The following TG variants were observed in gnomAD, a reference collection of about 807,000 sequenced individuals.
TG encodes thyroid hormones.
A neutral mutation model predicts 324.7 loss-of-function variants in TG; 270 were observed. The ratio of observed to expected loss-of-function variants is 0.83; its 90% confidence interval spans 0.75 to 0.92. The LOEUF is 0.92. TG is among the 40% of genes least tolerant of loss of function. The pLI, the probability that TG is intolerant of heterozygous loss-of-function variation, is 0.00. For missense variants in TG, 3,591 were observed against 3,456.4 expected (o/e 1.04, Z -0.98); for synonymous variants, 1,401 against 1,327.0 (o/e 1.06, Z -1.21).
intron 19 of TG, among the ~76,000 whole-genome samples, chr8:132,912,507 C>T (rs1819679220): frequency 6.6e-6 from 1 of 152,010 alleles, no homozygotes; most frequent in South Asian, 2.1e-4. Context: ...AACTACTTAT[C>T]ATTTGACACC....
At chr8:132,970,479 C>T (rs1023119630) in intron 32 of TG, among the ~76,000 whole-genome samples, 11 of 152,192 alleles carry the variant, frequency 7.2e-5, no homozygotes, top group Non-Finnish European at 1.6e-4. Context: ...AAGGAAGCTT[C>T]CCCTGGTGAT....
intron 41 of TG, chr8:133,038,626 G>T: frequency 6.2e-7 from 1 of 1,613,830 alleles, no homozygotes. Flanking sequence ...AGGAGGTGTT[G>T]TCCTCACTGG....
chr8:132,986,249 G>A (rs1252081130), intron 35 of TG, among the ~76,000 whole-genome samples: 1 of 151,614 alleles, frequency 6.6e-6, no homozygotes, highest in Non-Finnish European at 1.5e-5. Context: ...TGATATCATT[G>A]TAGTCTCTAT....
intron 27 of TG, among the ~76,000 whole-genome samples, chr8:132,960,123 C>T (rs890808548): frequency 1.3e-5 from 2 of 152,312 alleles, no homozygotes; most frequent in East Asian, 3.9e-4. Flanking sequence ...GTAGGCGCAG[C>T]ACACCACCAT....
intron 46 of TG, among the ~76,000 whole-genome samples, chr8:133,132,505 A>G (rs57165827): frequency 0.028 from 4,296 of 152,264 alleles, 220 homozygotes; most frequent in African/African-American, 0.098. Context: ...CTCCAGTCCA[A>G]TGAAGTATAC....
At chr8:132,900,475 C>A in intron 15 of TG, 136 bp downstream of exon 15, 2 of 788,568 alleles carry the variant, frequency 2.5e-6, no homozygotes, top group South Asian at 3.0e-5. Flanking sequence ...CCTCACTATG[C>A]CTCAGTTTTC....
chr8:132,886,763 C>G lies in TG; in HGVS notation c.1391C>G (p.Pro464Arg), dbSNP rs1815483755. 1.9e-6 allele frequency: 3 copies of G among 1,614,194 alleles called. No individual in the cohort carries two copies. In the East Asian group the frequency reaches 6.7e-5, roughly 36 times the overall value. Residue 464 changes from proline to arginine, a missense_variant, in exon 9 of 48, where the codon CCA (proline) becomes CGA (arginine). Transcript: ENST00000220616. ...ARLALQFTTN[P>R]KRLQQNLFGG... is the part of the protein sequence containing the mutation. The stretch of plus-strand genomic sequence containing the variant: ...CTTGCCCTTCAGTTTACCACCAACC[C>G]AAAGAGACTCCAGCAAAACCTTTTT...
At chr8:132,907,231 G>A (rs1480906497) in intron 17 of TG, among the ~76,000 whole-genome samples, 1 of 152,112 alleles carries the variant, frequency 6.6e-6, no homozygotes, top group Non-Finnish European at 1.5e-5. Flanking sequence ...CTGGATAGGT[G>A]GCTCACATGC....
At chr8:132,887,947 T>C in intron 9 of TG, 37 bp from the exon 10 acceptor site, 1 of 1,576,520 alleles carries the variant, frequency 6.3e-7, no homozygotes, top group Non-Finnish European at 8.6e-7. Flanking sequence ...TTGTTAAATT[T>C]CTTAAACTGA....
chr8:133,066,411 ATC>A (rs750065167), intron 41 of TG, among the ~76,000 whole-genome samples: 2 of 152,184 alleles, frequency 1.3e-5, no homozygotes, highest in Admixed American at 6.5e-5. Context: ...TGCTTTTAGA[ATC>A]TCTGTTTCAT....
chr8:133,038,585 A>C, intron 41 of TG: 1 of 1,614,180 alleles, frequency 6.2e-7, no homozygotes. Context: ...GCCACCATAC[A>C]TCAGGGAGAT....
At position 132,871,374 on chromosome 8, in the gene TG, C is replaced by G. The variant is rs531772882; in HGVS notation, c.301C>G (p.Gln101Glu). 1.2e-6 allele frequency: 2 copies of G among 1,614,222 alleles called. No individual in the cohort carries two copies. Among genetic ancestry groups the G allele is most frequent in the East Asian group, 2.2e-5 (1 of 44,888 alleles). Residue 101 changes from glutamine (Q) to glutamate (E), a missense_variant, in exon 4 of 48, where the codon CAG becomes GAG. Gln to Glu is a conservative substitution (Grantham distance 29). Transcript: ENST00000220616. ...TCTGTCATTTTGTCAGCTACAGAAA[C>G]AGCAGATCTTACTGAGTGGCTACAT... ...ACLSFCQLQK[Q>E]QILLSGYINS...
chr8:132,870,970 A>G (rs180207), intron 3 of TG, among the ~76,000 whole-genome samples: 80,372 of 151,900 alleles, frequency 0.53, 21,357 homozygotes, highest in East Asian at 0.59. Flanking sequence ...CTGAAACTGT[A>G]GCAGTTAATG....
chr8:132,902,341 A>C (rs951407315), intron 16 of TG, among the ~76,000 whole-genome samples: 1 of 152,086 alleles, frequency 6.6e-6, no homozygotes, highest in African/African-American at 2.4e-5. Flanking sequence ...CTGCAGGGAA[A>C]TTTAATTGGG....
intron 41 of TG, among the ~76,000 whole-genome samples, chr8:133,072,249 A>G (rs1587992469): frequency 6.6e-6 from 1 of 152,274 alleles, no homozygotes; most frequent in East Asian, 1.9e-4. Context: ...CCAACCCCTA[A>G]AATTGCTGTC....
At chr8:133,000,069 T>C (rs116322541) in intron 35 of TG, among the ~76,000 whole-genome samples, 1,646 of 152,334 alleles carry the variant, frequency 0.011, 36 homozygotes, top group African/African-American at 0.038. Flanking sequence ...ACAGCAAGGA[T>C]GCCATCATGC....
intron 22 of TG, 55 bp downstream of exon 22, chr8:132,923,563 A>G: frequency 2.6e-6 from 4 of 1,561,470 alleles, no homozygotes; most frequent in Non-Finnish European, 3.5e-6. Flanking sequence ...GAGTAGTCTC[A>G]AGGGCTTTTT....
intron 1 of TG, 41 bp downstream of exon 1, chr8:132,867,108 C>T (rs1839002271): frequency 5.2e-6 from 8 of 1,550,178 alleles, no homozygotes; most frequent in Admixed American, 1.8e-5. Flanking sequence ...GGGGAGGGAG[C>T]TCCAGTGTCA....
In TG at chr8:132,962,982, T is replaced by C. The variant is rs1196147686; in HGVS notation, c.5468-12T>C. ...TCCCCAACATTGCAACAACTCTTTT[T>C]TTTCCTCCTAGATTCTGACATGGGG... On this transcript the variant is annotated splice_polypyrimidine_tract_variant and intron_variant, in intron 28 of 47. Transcript: ENST00000220616. 15 of 1,613,564 alleles carry C rather than the reference T, an allele frequency of 9.3e-6. No individual in the cohort carries two copies. Among genetic ancestry groups the C allele is most frequent in the Non-Finnish European group, 1.3e-5 (15 of 1,179,644 alleles).
Sources: gnomAD v4.1 joint callset for allele counts (sites outside exome capture counted in the v4.1 genomes callset) on GRCh38, gnomAD v4.1.1 for gene constraint, MANE v1.5 for transcripts, NCBI Gene and HGNC (gene_info 2026-07-23, HGNC 2026-07-21) for gene names.